ESPN: variants seen among roughly 807,000 people sequenced by gnomAD.
ESPN encodes autosomal recessive deafness type 36 protein.
A neutral mutation model predicts 77.7 loss-of-function variants in ESPN; 68 were observed. That is an observed-to-expected ratio of 0.87 (90% confidence interval 0.72 to 1.07). ESPN has a LOEUF of 1.07. Ranked by LOEUF, ESPN falls within the 50% of genes least tolerant of loss-of-function variation. The probability of loss-of-function intolerance (pLI) is 0.00; values close to 1 mark genes in which losing one functional copy is unlikely to be tolerated. For synonymous variants in ESPN, 449 were observed against 567.1 expected (o/e 0.79, Z 2.96); for missense variants, 1,060 against 1,239.0 (o/e 0.86, Z 2.17).
At position 6,452,001 on chromosome 1, in the gene ESPN, G is replaced by T. The variant is rs121908135; in HGVS notation, c.2230G>T (p.Asp744Tyr). The part of the protein sequence containing the change: ...LDVEALIPTH[D>Y]EQGRPIPEWK... Reference sequence around the variant, plus strand: ...CGTGGAGGCTCTCATCCCCACGCACGATGAGCAGGGCCGGCCCATCCCCGA... The same window carrying T: ...CGTGGAGGCTCTCATCCCCACGCACTATGAGCAGGGCCGGCCCATCCCCGA... Residue 744 changes from aspartate to tyrosine, a missense_variant, in exon 10 of 13, where the codon GAT (aspartate) becomes TAT (tyrosine). Asp to Tyr is a radical substitution (Grantham distance 160). This residue lies in a region of ESPN where 374 missense variants were observed against 381.4 expected (regional missense o/e 0.98). Coordinates refer to ENST00000645284, the MANE Select transcript of ESPN (RefSeq NM_031475.3). The T allele has an allele frequency of 8.1e-6, 13 of 1,605,250 alleles. No homozygotes were observed. Among genetic ancestry groups the T allele is most frequent in the Middle Eastern group, 3.3e-4 (2 of 6,010 alleles).
chr1:6,443,680 G>A (rs534012940), intron 5 of ESPN, among the ~76,000 whole-genome samples: 8 of 152,334 alleles, frequency 5.3e-5, no homozygotes, highest in African/African-American at 1.7e-4. Flanking sequence ...CCCTAATTAC[G>A]GGGCCAATGA....
intron 5 of ESPN, among the ~76,000 whole-genome samples, chr1:6,442,464 C>G (rs1643670921): frequency 6.6e-6 from 1 of 151,488 alleles, no homozygotes; most frequent in Non-Finnish European, 1.5e-5. Context: ...GTCCCAGCTA[C>G]TCGGGAGGCT....
chr1:6,460,930 G>A lies in ESPN; in HGVS notation c.*784G>A, dbSNP rs1277871004. 1 of 359,554 alleles carries A rather than the reference G, an allele frequency of 2.8e-6. No homozygotes were observed. Among genetic ancestry groups the A allele is most frequent in the Non-Finnish European group, 5.7e-6 (1 of 176,618 alleles). 22.3% of individuals were successfully genotyped at this position (359,554 alleles called of 1,614,324 possible). Reference sequence around the variant, plus strand: ...GCCCCATTAAAGCGCTCTCATCTGGGCTCCGGTTCACTCACTCGCTGTGGC... The same window carrying A: ...GCCCCATTAAAGCGCTCTCATCTGGACTCCGGTTCACTCACTCGCTGTGGC... On this transcript the variant is annotated 3_prime_UTR_variant, in exon 13 of 13. Transcript: ENST00000645284.
rs1185515476 is a variant in ESPN, at chr1:6,427,373, CT to C, written c.295-852del. On this transcript the variant is annotated intron_variant, in intron 1 of 12. Coordinates refer to ENST00000645284, the MANE Select transcript of ESPN (RefSeq NM_031475.3). The surrounding 1 kb of genome is among the most constrained non-coding windows in gnomAD (Gnocchi z 4.6). ...CCTCCCAGCACAGGTCCTGTAAGCA[CT>C]CCCCTCCAGCCCCTTTCTCAGCAGA... is the stretch of plus-strand genomic sequence containing the variant. 1.3e-5 allele frequency among the ~76,000 whole-genome samples: 2 copies of C among 152,164 alleles called. No individual in the cohort carries two copies. The highest frequency in any genetic ancestry group is 2.9e-5 in the Non-Finnish European group (2 of 68,024).
At chr1:6,426,571 TGG>T (rs1227282407) in intron 1 of ESPN, among the ~76,000 whole-genome samples, 1 of 152,124 alleles carries the variant, frequency 6.6e-6, no homozygotes, top group Non-Finnish European at 1.5e-5. Context: ...ACGAGGCTCC[TGG>T]GGCCTGGACA....
Position 6,425,008 on chromosome 1 carries a change from T to C in ESPN, c.53T>C (p.Leu18Pro). ...GCGCGGCAGGGCGAGCTGGACGTGC[T>C]GAGGTCGCTGCACGCCGCAGGCCTC... is the stretch of plus-strand genomic sequence containing the variant. ...QAARQGELDV[L>P]RSLHAAGLLG... The change falls in exon 1 of 13, where the codon CTG becomes CCG. Residue 18 changes from leucine (L) to proline (P), a missense_variant. By Grantham distance (98) the Leu-to-Pro change is moderately conservative (BLOSUM62 -3). Coordinates refer to ENST00000645284, the MANE Select transcript of ESPN (RefSeq NM_031475.3). The C allele has an allele frequency of 6.8e-7, 1 of 1,467,722 alleles. No individual in the cohort carries two copies. The highest frequency in any genetic ancestry group is 3.0e-5 in the East Asian group (1 of 33,580). The allele number at this position is 1,467,722 out of a possible 1,614,324, so 90.9% of individuals were successfully genotyped here.
At position 6,459,982 on chromosome 1, in the gene ESPN, C is replaced by G. The variant is rs568212325; in HGVS notation, c.2418-17C>G. 47 of 1,613,256 alleles carry G rather than the reference C, an allele frequency of 2.9e-5. No individual in the cohort carries two copies. The East Asian group carries it at 7.8e-4, about 27-fold the overall frequency. ...CCCCAGACTTCACCGGGTCTGCCCCCCTCCCCACTGCCTCAGGAAAGAGGA... is the reference window on the plus strand; with the variant it reads ...CCCCAGACTTCACCGGGTCTGCCCCGCTCCCCACTGCCTCAGGAAAGAGGA... On this transcript the variant is annotated splice_polypyrimidine_tract_variant and intron_variant, in intron 12 of 12. Coordinates refer to ENST00000645284, the MANE Select transcript of ESPN (RefSeq NM_031475.3).
chr1:6,441,169 G>A, intron 5 of ESPN, 104 bp downstream of exon 5: 1 of 1,489,166 alleles, frequency 6.7e-7, no homozygotes, highest in Non-Finnish European at 9.1e-7. Flanking sequence ...GAGGTTCAGG[G>A]ACGTGAAGCC....
At chr1:6,433,606 C>CAA (rs569450960) in intron 2 of ESPN, among the ~76,000 whole-genome samples, 12,238 of 132,510 alleles carry the variant, frequency 0.092, 715 homozygotes, top group African/African-American at 0.16. Context: ...GAATCCATTT[C>CAA]AAAAAAAAAA....
Position 6,440,679 on chromosome 1 carries a change from C to T in ESPN, c.729C>T (p.Ala243=), listed in dbSNP as rs980565859. 3.2e-6 allele frequency: 5 copies of T among 1,541,446 alleles called. No individual in the cohort carries two copies. Among genetic ancestry groups the T allele is most frequent in the Non-Finnish European group, 4.3e-6 (5 of 1,153,082 alleles). The change falls in exon 4 of 13, where the codon GCC becomes GCT. Residue 243 remains alanine, a synonymous_variant. Transcript: ENST00000645284. ...AGCAGGACAAAGACGGCGCCACCGCCATGCACTTCGCGGCGAGCCGCGGCC... is the reference window on the plus strand; with the variant it reads ...AGCAGGACAAAGACGGCGCCACCGCTATGCACTTCGCGGCGAGCCGCGGCC... ...LSEQDKDGAT[A]MHFAASRGHT...
intron 2 of ESPN, among the ~76,000 whole-genome samples, chr1:6,430,561 G>C (rs1223081741): frequency 6.6e-6 from 1 of 152,212 alleles, no homozygotes; most frequent in Non-Finnish European, 1.5e-5. Flanking sequence ...GACCTCAGGG[G>C]CTGCTGCCAC....
At position 6,450,553 on chromosome 1, in the gene ESPN, C is replaced by T; in HGVS notation, c.1916-1050C>T. 1 of 749,060 alleles carries T rather than the reference C, an allele frequency of 1.3e-6. No individual in the cohort carries two copies. Among genetic ancestry groups the T allele is most frequent in the Non-Finnish European group, 1.6e-6 (1 of 613,608 alleles). 46.4% of individuals were successfully genotyped at this position (749,060 alleles called of 1,614,324 possible). On this transcript the variant is annotated intron_variant, in intron 8 of 12. Coordinates refer to ENST00000645284, the MANE Select transcript of ESPN (RefSeq NM_031475.3). The surrounding 1 kb of genome is among the most constrained non-coding windows in gnomAD (Gnocchi z 4.3). Reference sequence around the variant, plus strand: ...GGCAGGAAAAGCAAGGCAGAAGGGGCCCAGACTTGAGGAAAGGGCAGGGGC... The same window carrying T: ...GGCAGGAAAAGCAAGGCAGAAGGGGTCCAGACTTGAGGAAAGGGCAGGGGC...
At chr1:6,442,505 C>T (rs1364396324) in intron 5 of ESPN, among the ~76,000 whole-genome samples, 5 of 149,418 alleles carry the variant, frequency 3.3e-5, no homozygotes, top group African/African-American at 1.2e-4. Context: ...ACCCAGGAGA[C>T]GGAGGTTGCA....
At chr1:6,441,112 C>G (rs1643622702) in intron 5 of ESPN, 47 bp downstream of exon 5, 1 of 1,591,928 alleles carries the variant, frequency 6.3e-7, no homozygotes, top group African/African-American at 1.3e-5. Context: ...TCTCGCCCCT[C>G]CACCCCAGTG....
intron 2 of ESPN, among the ~76,000 whole-genome samples, chr1:6,430,399 C>T (rs544375223): frequency 2.4e-4 from 36 of 152,302 alleles, no homozygotes; most frequent in Admixed American, 5.9e-4. Flanking sequence ...TGGACAGCCT[C>T]GGGGAAGCTC....
chr1:6,448,994 G>A lies in ESPN; in HGVS notation c.1818G>A (p.Leu606=). ...PPPPPPPPPP[L]PEAASSPPPA... ...CGCCCCCACCGCCGCCGCCGCCCCT[G>A]CCGGAGGCCGCGAGTTCGCCACCGC... Residue 606 remains leucine, a synonymous_variant, in exon 8 of 13, where the codon CTG becomes CTA. Transcript: ENST00000645284. 2.8e-6 allele frequency: 4 copies of A among 1,451,534 alleles called. No individual in the cohort carries two copies. The highest frequency in any genetic ancestry group is 3.6e-6 in the Non-Finnish European group (4 of 1,107,714). The allele number at this position is 1,451,534 out of a possible 1,614,324, so 89.9% of individuals were successfully genotyped here. A position where few individuals can be genotyped will look rare whatever the true frequency, so the allele number is the denominator to read the frequency against.
At chr1:6,435,189 G>A (rs1643389788) in intron 2 of ESPN, among the ~76,000 whole-genome samples, 1 of 152,092 alleles carries the variant, frequency 6.6e-6, no homozygotes, top group Admixed American at 6.5e-5. Flanking sequence ...AGCCACCATA[G>A]GCTCGGTGAA....
intron 5 of ESPN, among the ~76,000 whole-genome samples, chr1:6,443,346 T>C (rs1408209603): frequency 6.6e-6 from 1 of 152,250 alleles, no homozygotes; most frequent in South Asian, 2.1e-4. Flanking sequence ...CTGAAGCCAC[T>C]GTCCCAGACT....
intron 6 of ESPN, 120 bp from the exon 7 acceptor site, chr1:6,445,544 G>A (rs1643796551): frequency 9.0e-7 from 1 of 1,105,108 alleles, no homozygotes; most frequent in Non-Finnish European, 1.3e-6. Context: ...GGTGTACCAA[G>A]TGGTGCCCGG....
Sources: allele counts gnomAD v4.1 joint callset (sites outside exome capture counted in the v4.1 genomes callset), GRCh38; gene constraint gnomAD v4.1.1; regional missense constraint gnomAD v4.1.1; non-coding constraint Gnocchi (gnomAD v3.1); transcripts MANE v1.5; gene names NCBI Gene and HGNC (gene_info 2026-07-23, HGNC 2026-07-21).